Variants in SPATA6 observed in about 807,000 individuals in gnomAD.
SPATA6 encodes spermatogenesis-associated protein 6.
A neutral mutation model predicts 65.3 loss-of-function variants in SPATA6; 56 were observed. The observed-to-expected ratio is 0.86, with a 90% CI of 0.69 to 1.07. The LOEUF is 1.07. SPATA6 is among the 50% of genes least tolerant of loss of function. SPATA6 has a pLI of 0.00. For missense variants in SPATA6, 590 were observed against 594.8 expected (o/e 0.99, Z 0.08); for synonymous variants, 199 against 213.2 (o/e 0.93, Z 0.58).
At chr1:48,362,044 G>A (rs72893249) in intron 9 of SPATA6, among the ~76,000 whole-genome samples, 2,237 of 152,122 alleles carry the variant, frequency 0.015, 52 homozygotes, top group African/African-American at 0.051. Flanking sequence ...CAAAAACACA[G>A]TAAAACTTAA....
downstream of SPATA6, among the ~76,000 whole-genome samples, chr1:48,292,706 C>T (rs72887984): frequency 0.015 from 2,211 of 152,358 alleles, 53 homozygotes; most frequent in African/African-American, 0.05. Context: ...TGGGTAAGGG[C>T]ATGCACGCAG....
At chr1:48,351,867 T>G (rs938898754) in intron 11 of SPATA6, among the ~76,000 whole-genome samples, 18 of 152,220 alleles carry the variant, frequency 1.2e-4, no homozygotes, top group African/African-American at 4.3e-4. Flanking sequence ...CCTTAAATTT[T>G]GTTTGGATTC....
chr1:48,409,686 A>G (rs949884986), intron 5 of SPATA6, among the ~76,000 whole-genome samples: 2 of 152,182 alleles, frequency 1.3e-5, no homozygotes, highest in East Asian at 3.9e-4. Flanking sequence ...CCAAACCTCA[A>G]TTCTTGATTT....
At chr1:48,280,444 A>G in the SPATA6 span, among the ~76,000 whole-genome samples, 3 of 152,172 alleles carry the variant, frequency 2.0e-5, no homozygotes, top group South Asian at 4.1e-4. Context: ...AGCAAGACTA[A>G]TAAAGAAGAA....
intron 3 of SPATA6, chr1:48,436,840 A>C (rs1654987240): frequency 6.2e-7 from 1 of 1,612,954 alleles, no homozygotes; most frequent in South Asian, 1.1e-5. Flanking sequence ...ATTGGATATC[A>C]GTATTTTCCC....
At chr1:48,449,717 T>A (rs1213888556) in intron 3 of SPATA6, among the ~76,000 whole-genome samples, 5 of 152,218 alleles carry the variant, frequency 3.3e-5, no homozygotes, top group Non-Finnish European at 7.3e-5. Context: ...TGAGGATAAC[T>A]AGGGAAATCT....
chr1:48,431,853 G>A (rs2148060838), intron 3 of SPATA6, among the ~76,000 whole-genome samples: 1 of 152,354 alleles, frequency 6.6e-6, no homozygotes, highest in South Asian at 2.1e-4. Context: ...ACTCACGCAT[G>A]TAATCCCAGC....
intron 3 of SPATA6, among the ~76,000 whole-genome samples, chr1:48,425,587 A>G (rs1224910575): frequency 6.6e-6 from 1 of 152,194 alleles, no homozygotes; most frequent in East Asian, 1.9e-4. Flanking sequence ...TTAAGAAAGT[A>G]TAATATTTAT....
the SPATA6 span, among the ~76,000 whole-genome samples, chr1:48,276,237 A>C: frequency 2.0e-5 from 3 of 151,984 alleles, no homozygotes; most frequent in African/African-American, 7.2e-5. Flanking sequence ...TTTCTTCTAT[A>C]TTAGTCTGGC....
At chr1:48,364,065 C>T (rs1006745717) in intron 9 of SPATA6, among the ~76,000 whole-genome samples, 1 of 151,704 alleles carries the variant, frequency 6.6e-6, no homozygotes, top group African/African-American at 2.4e-5. Flanking sequence ...GGTTTTTTGT[C>T]CTTGCGATAG....
chr1:48,396,216 G>A (rs954101629), intron 7 of SPATA6, among the ~76,000 whole-genome samples: 1 of 151,680 alleles, frequency 6.6e-6, no homozygotes, highest in African/African-American at 2.4e-5. Context: ...CATTAGGATG[G>A]CTATTATGAA....
chr1:48,367,860 G>A (rs1358929692), intron 9 of SPATA6, among the ~76,000 whole-genome samples: 1 of 152,124 alleles, frequency 6.6e-6, no homozygotes, highest in Non-Finnish European at 1.5e-5. Context: ...TGGTTATTTT[G>A]CTCATTAGTT....
At chr1:48,334,144 G>A (rs914728902) in intron 11 of SPATA6, among the ~76,000 whole-genome samples, 5 of 151,840 alleles carry the variant, frequency 3.3e-5, no homozygotes, top group East Asian at 1.9e-4. Context: ...ATCGATAGCC[G>A]ACCAACCAAT....
At chr1:48,281,564 TG>T in the SPATA6 span, among the ~76,000 whole-genome samples, 1 of 151,974 alleles carries the variant, frequency 6.6e-6, no homozygotes, top group African/African-American at 2.4e-5. Context: ...AGCCAAATCA[TG>T]AGTGAACTCC....
the SPATA6 span, among the ~76,000 whole-genome samples, chr1:48,278,342 G>A: frequency 2.6e-5 from 4 of 152,228 alleles, no homozygotes; most frequent in Admixed American, 2.6e-4. Context: ...GAATGACTTT[G>A]ATGAGTTGAG....
At chr1:48,401,013 T>C (rs1363239063) in intron 6 of SPATA6, 5 of 172,514 alleles carry the variant, frequency 2.9e-5, no homozygotes, top group Non-Finnish European at 5.8e-5. Flanking sequence ...ATCATGAGTT[T>C]CTGTCTTTCA....
intron 6 of SPATA6, chr1:48,400,737 T>C (rs920163676): frequency 8.0e-7 from 1 of 1,244,850 alleles, no homozygotes; most frequent in Admixed American, 2.7e-5. Flanking sequence ...AAAGTGAGTT[T>C]CAGCTAGGGC....
At chr1:48,401,288 T>C (rs774959088) in intron 6 of SPATA6, among the ~76,000 whole-genome samples, 52 of 152,046 alleles carry the variant, frequency 3.4e-4, no homozygotes, top group Non-Finnish European at 6.3e-4. Flanking sequence ...TTCTTTCTTA[T>C]ATATATACCT....
At chr1:48,372,523 G>A (rs1647398913) in intron 9 of SPATA6, among the ~76,000 whole-genome samples, 1 of 152,178 alleles carries the variant, frequency 6.6e-6, no homozygotes, top group Non-Finnish European at 1.5e-5. Context: ...TGTGTCTGTG[G>A]CTTTTGCAGG....
Sources: allele counts gnomAD v4.1 joint callset (sites outside exome capture counted in the v4.1 genomes callset), GRCh38; gene constraint gnomAD v4.1.1; transcripts MANE v1.5; gene names NCBI Gene and HGNC (gene_info 2026-07-23, HGNC 2026-07-21).